Variants in BCAS3 observed in about 807,000 individuals in gnomAD.
The protein encoded by BCAS3 is BCAS4/BCAS3 fusion.
Under a neutral mutation model 116.1 loss-of-function variants are expected in BCAS3, and 53 were observed. The ratio of observed to expected loss-of-function variants is 0.46; its 90% CI spans 0.37 to 0.57. The LOEUF (loss-of-function observed/expected upper bound fraction) is 0.57. BCAS3 is among the 20% of genes least tolerant of loss of function. The pLI is 0.00. For synonymous variants in BCAS3, 391 were observed against 408.2 expected, an observed-to-expected ratio of 0.96 and a Z score of 0.51; for missense variants, 917 against 1,165.4, an observed-to-expected ratio of 0.79 and a Z score of 3.10.
chr17:60,848,978 A>AT (rs11415857), intron 7 of BCAS3, among the ~76,000 whole-genome samples: 6,996 of 152,272 alleles, frequency 0.046, 506 homozygotes, highest in African/African-American at 0.16. Context: ...TCAGCCAGAG[A>AT]TGCAAAACGA....
chr17:61,045,089 T>A (rs2067921980), intron 19 of BCAS3, among the ~76,000 whole-genome samples: 1 of 152,018 alleles, frequency 6.6e-6, no homozygotes, highest in African/African-American at 2.4e-5. Flanking sequence ...TGTAAAATAG[T>A]TTATACATTT....
intron 22 of BCAS3, among the ~76,000 whole-genome samples, chr17:61,290,856 C>T (rs1455260870): frequency 1.3e-5 from 2 of 152,170 alleles, no homozygotes; most frequent in Non-Finnish European, 2.9e-5. Context: ...TCTCGGCTCA[C>T]TGTGAGCTCC....
intron 5 of BCAS3, among the ~76,000 whole-genome samples, chr17:60,744,800 A>G (rs1185523557): frequency 6.6e-6 from 1 of 152,014 alleles, no homozygotes; most frequent in Admixed American, 6.6e-5. Context: ...AATCAGTCCA[A>G]ATGTTTTTTT....
chr17:60,794,607 C>A, intron 6 of BCAS3, among the ~76,000 whole-genome samples: 1 of 152,192 alleles, frequency 6.6e-6, no homozygotes, highest in East Asian at 1.9e-4. Context: ...GATCCAGTTT[C>A]ATTCTCCTAC....
intron 6 of BCAS3, among the ~76,000 whole-genome samples, chr17:60,758,314 TTTTG>T (rs2043190668): frequency 6.6e-6 from 1 of 152,232 alleles, no homozygotes; most frequent in African/African-American, 2.4e-5. Context: ...GGTTTATTGA[TTTTG>T]TTTATCTTTT....
At chr17:61,074,810 T>C (rs1315764757) in intron 19 of BCAS3, 110 bp from the exon 20 acceptor site, 1 of 557,684 alleles carries the variant, frequency 1.8e-6, no homozygotes, top group Non-Finnish European at 3.0e-6. Flanking sequence ...TGCTTTAAAG[T>C]ATTATATTTT....
At chr17:60,784,845 C>T (rs968333441) in intron 6 of BCAS3, among the ~76,000 whole-genome samples, 2 of 152,002 alleles carry the variant, frequency 1.3e-5, no homozygotes, top group Non-Finnish European at 2.9e-5. Context: ...CCTGTAATCC[C>T]AGTACTTTGG....
intron 5 of BCAS3, among the ~76,000 whole-genome samples, chr17:60,723,711 CTTTTTTTTTTTTTT>C (rs549083159): frequency 5.6e-5 from 5 of 88,894 alleles, no homozygotes; most frequent in Admixed American, 1.6e-4. Flanking sequence ...CACTTTCTTT[CTTTTTTTTTTTTTT>C]TTTTTTTTTT....
At chr17:60,720,021 G>T (rs1194632274) in intron 5 of BCAS3, 2 of 152,170 alleles carry the variant, frequency 1.3e-5, no homozygotes, top group Non-Finnish European at 2.9e-5. Context: ...AGCAAAAATT[G>T]TATAGCATAT....
chr17:60,706,227 T>A (rs1008317904), intron 4 of BCAS3, among the ~76,000 whole-genome samples: 1 of 151,956 alleles, frequency 6.6e-6, no homozygotes, highest in Non-Finnish European at 1.5e-5. Context: ...CACGCCCGGC[T>A]AATTTTTTGT....
At chr17:61,147,846 C>T (rs1192306907) in intron 22 of BCAS3, among the ~76,000 whole-genome samples, 3 of 151,948 alleles carry the variant, frequency 2.0e-5, no homozygotes, top group East Asian at 3.9e-4. Flanking sequence ...ATTAGTCAGG[C>T]GTGGTGGTGC....
intron 2 of BCAS3, among the ~76,000 whole-genome samples, chr17:60,683,022 A>G (rs2033420940): frequency 6.6e-6 from 1 of 152,076 alleles, no homozygotes; most frequent in Non-Finnish European, 1.5e-5. Flanking sequence ...ACTCCACCTC[A>G]GCTTCCTAAA....
At chr17:61,116,433 TTATAA>T (rs1186745832) in intron 22 of BCAS3, among the ~76,000 whole-genome samples, 1 of 152,178 alleles carries the variant, frequency 6.6e-6, no homozygotes, top group African/African-American at 2.4e-5. Context: ...CCATCCTGAT[TTATAA>T]TATAATTATC....
intron 14 of BCAS3, among the ~76,000 whole-genome samples, chr17:60,971,200 G>C (rs142500670): frequency 1.3e-5 from 2 of 152,320 alleles, no homozygotes; most frequent in Admixed American, 1.3e-4. Flanking sequence ...TCTGTAGTCT[G>C]CGAGTGTTTA....
intron 6 of BCAS3, among the ~76,000 whole-genome samples, chr17:60,752,135 A>G (rs924617245): frequency 1.3e-5 from 2 of 149,344 alleles, no homozygotes; most frequent in Admixed American, 1.4e-4. Context: ...GTTTATATGT[A>G]TTACATGTAT....
Position 60,990,834 on chromosome 17 carries a change from G to T in BCAS3, c.1486+599G>T, listed in dbSNP as rs1450877394. On this transcript the variant is annotated intron_variant, in intron 15 of 23. Transcript: ENST00000407086. The surrounding 1 kb of genome is among the most constrained non-coding windows in gnomAD (Gnocchi z 5.1). Reference sequence around the variant, plus strand: ...GCTGATTTTCAGTATTTTTAGTAGAGATGGGGTTTCACTATGTTGGCCAGG... The same window carrying T: ...GCTGATTTTCAGTATTTTTAGTAGATATGGGGTTTCACTATGTTGGCCAGG... 6.6e-6 allele frequency among the ~76,000 whole-genome samples: 1 copy of T among 152,118 alleles called. No homozygotes were observed. Among genetic ancestry groups the T allele is most frequent in the Non-Finnish European group, 1.5e-5 (1 of 68,040 alleles).
At chr17:61,275,274 A>T (rs1213021870) in intron 22 of BCAS3, among the ~76,000 whole-genome samples, 1 of 152,244 alleles carries the variant, frequency 6.6e-6, no homozygotes, top group Non-Finnish European at 1.5e-5. Context: ...CTGAAGTTGA[A>T]ATTTTAAAAC....
At chr17:61,003,550 C>A (rs1217853785) in intron 15 of BCAS3, among the ~76,000 whole-genome samples, 1 of 151,902 alleles carries the variant, frequency 6.6e-6, no homozygotes, top group African/African-American at 2.4e-5. Context: ...GCCTCAGCCT[C>A]CCAAAATGCT....
chr17:61,231,001 A>G (rs1238541647), intron 22 of BCAS3, among the ~76,000 whole-genome samples: 7 of 119,452 alleles, frequency 5.9e-5, no homozygotes, highest in Non-Finnish European at 1.2e-4. Flanking sequence ...AGGTCTCACT[A>G]TGTTCCCCAG....
Sources: allele counts gnomAD v4.1 joint callset (sites outside exome capture counted in the v4.1 genomes callset), GRCh38; gene constraint gnomAD v4.1.1; non-coding constraint Gnocchi (gnomAD v3.1); transcripts MANE v1.5; gene names NCBI Gene and HGNC (gene_info 2026-07-23, HGNC 2026-07-21).